The following ARFGEF2 variants were observed in gnomAD, a reference collection of about 807,000 sequenced individuals.
ARFGEF2 encodes the protein brefeldin A-inhibited guanine nucleotide-exchange protein 2.
A neutral mutation model predicts 219.9 loss-of-function variants in ARFGEF2; 74 were observed. The ratio of observed to expected loss-of-function variants is 0.34; its 90% CI spans 0.28 to 0.41. ARFGEF2 has a LOEUF of 0.41. Among genes scored for constraint, ARFGEF2 ranks in the 10% least tolerant of loss-of-function variants. The pLI is 1.00. For missense variants in ARFGEF2, 1,743 were observed against 2,218.3 expected (o/e 0.79, Z 4.30); for synonymous variants, 733 against 799.2 (o/e 0.92, Z 1.40).
At chr20:48,937,147 C>T (rs2090963630) in intron 1 of ARFGEF2, among the ~76,000 whole-genome samples, 1 of 152,194 alleles carries the variant, frequency 6.6e-6, no homozygotes, top group South Asian at 2.1e-4. Context: ...CCTGCACGGG[C>T]TCTGTCCTGC....
At chr20:48,980,979 C>A (rs1029776441) in intron 14 of ARFGEF2, among the ~76,000 whole-genome samples, 1 of 152,194 alleles carries the variant, frequency 6.6e-6, no homozygotes, top group Non-Finnish European at 1.5e-5. Flanking sequence ...ATCCCCATTA[C>A]ATTTCAAGTT....
chr20:48,950,811 A>ATATATATATAT (rs1555808097), intron 3 of ARFGEF2, among the ~76,000 whole-genome samples: 6 of 64,508 alleles, frequency 9.3e-5, no homozygotes, highest in Non-Finnish European at 1.6e-4. Flanking sequence ...AAAAAAAAAA[A>ATATATATATAT]ATATATATAT....
chr20:48,927,954 G>A (rs1360376182), intron 1 of ARFGEF2, among the ~76,000 whole-genome samples: 1 of 152,080 alleles, frequency 6.6e-6, no homozygotes, highest in Non-Finnish European at 1.5e-5. Context: ...CTTGATTATT[G>A]AAAAGCATTT....
chr20:49,005,663 A>T (rs2091453546), intron 26 of ARFGEF2, among the ~76,000 whole-genome samples: 1 of 145,910 alleles, frequency 6.9e-6, no homozygotes, highest in South Asian at 2.2e-4. Context: ...GCGTGAACTC[A>T]GGAGGCAGAG....
At chr20:49,004,992 C>G in intron 25 of ARFGEF2, 78 bp from the exon 26 acceptor site, 2 of 1,500,918 alleles carry the variant, frequency 1.3e-6, no homozygotes, top group Non-Finnish European at 1.9e-6. Context: ...GGTAGGCTGT[C>G]CATCTTTGCT....
chr20:48,926,907 A>G (rs1258684335), intron 1 of ARFGEF2, among the ~76,000 whole-genome samples: 1 of 152,204 alleles, frequency 6.6e-6, no homozygotes, highest in Admixed American at 6.5e-5. Flanking sequence ...CATAACATCC[A>G]TTCTTAGATT....
In ARFGEF2 at chr20:49,032,160, T is replaced by C. The variant is rs1222989122; in HGVS notation, c.5175T>C (p.Asp1725=). 1.2e-6 allele frequency: 2 copies of C among 1,610,262 alleles called. No homozygotes were observed. Among genetic ancestry groups the C allele is most frequent in the Non-Finnish European group, 1.7e-6 (2 of 1,176,630 alleles). Residue 1725 remains aspartate (D), a synonymous_variant, in exon 38 of 39, where the codon GAT becomes GAC. Transcript: ENST00000371917. ...TAACTAAAACCCTCAAAATAAATGATGAAAAGGTATGAACAAGTAAACTCT... is the reference window on the plus strand; with the variant it reads ...TAACTAAAACCCTCAAAATAAATGACGAAAAGGTATGAACAAGTAAACTCT... The part of the protein sequence containing the change: ...LLLTKTLKIN[D]EKFKAHASMY...
At chr20:48,943,126 A>G (rs950255470) in intron 3 of ARFGEF2, among the ~76,000 whole-genome samples, 2 of 152,172 alleles carry the variant, frequency 1.3e-5, no homozygotes, top group African/African-American at 4.8e-5. Context: ...AAAACACAGC[A>G]CTAACTACAC....
At chr20:49,027,300 T>C (rs2091609564) in intron 36 of ARFGEF2, among the ~76,000 whole-genome samples, 1 of 152,180 alleles carries the variant, frequency 6.6e-6, no homozygotes, top group Non-Finnish European at 1.5e-5. Flanking sequence ...CCCAAAGTGC[T>C]GGGATTACAG....
At chr20:48,980,371 T>C (rs2091287661) in intron 14 of ARFGEF2, among the ~76,000 whole-genome samples, 1 of 152,240 alleles carries the variant, frequency 6.6e-6, no homozygotes, top group South Asian at 2.1e-4. Context: ...TTCTGTTCTT[T>C]TGCATTTGCT....
intron 3 of ARFGEF2, among the ~76,000 whole-genome samples, chr20:48,942,383 C>G (rs1005282314): frequency 6.6e-6 from 1 of 151,502 alleles, no homozygotes; most frequent in Non-Finnish European, 1.5e-5. Context: ...CTTCTGGCCT[C>G]AAGCAGTCCT....
At chr20:48,972,049 A>G (rs1212162895) in intron 10 of ARFGEF2, among the ~76,000 whole-genome samples, 4 of 152,164 alleles carry the variant, frequency 2.6e-5, no homozygotes, top group African/African-American at 9.7e-5. Context: ...GAGAAATCCT[A>G]TTTTACATGA....
intron 6 of ARFGEF2, 108 bp downstream of exon 6, chr20:48,953,898 G>C: frequency 9.0e-7 from 1 of 1,108,356 alleles, no homozygotes; most frequent in South Asian, 1.3e-5. Context: ...TCTGATAACA[G>C]CTTATCTCTT....
chr20:48,974,147 A>G lies in ARFGEF2; in HGVS notation c.1666-619A>G, dbSNP rs536168265. On this transcript the variant is annotated intron_variant, in intron 12 of 38. Transcript: ENST00000371917. The stretch of plus-strand genomic sequence containing the variant: ...TTTTTTTTTTTTTTTTTTTTTTGAG[A>G]CAGAATCTCACTCTGTCACCCAGGC... Among the ~76,000 whole-genome samples, 7 of 85,492 alleles carry G rather than the reference A, an allele frequency of 8.2e-5. No individual in the cohort carries two copies. The East Asian group carries it at 2.2e-3, about 27-fold the overall frequency. The allele number at this position is 85,492 out of a possible 152,430, so 56.1% of individuals were successfully genotyped here. A position where few individuals can be genotyped will look rare whatever the true frequency, so the allele number is the denominator to read the frequency against.
chr20:49,013,867 T>C lies in ARFGEF2; in HGVS notation c.4086T>C (p.Tyr1362=), dbSNP rs146371874. 4.3e-6 allele frequency: 7 copies of C among 1,614,040 alleles called. No homozygotes were observed. The highest frequency in any genetic ancestry group is 5.9e-6 in the Non-Finnish European group (7 of 1,180,012). Reference sequence around the variant, plus strand: ...TCATGTTTGAGATCATGAAGAGCTATGGCCACACCTTTGAAAAGCACTGGT... The same window carrying C: ...TCATGTTTGAGATCATGAAGAGCTACGGCCACACCTTTGAAAAGCACTGGT... ...LTVMFEIMKS[Y]GHTFEKHWWQ... Residue 1362 remains tyrosine (Y), a synonymous_variant, in exon 30 of 39, where the codon TAT becomes TAC. Coordinates refer to ENST00000371917, the MANE Select transcript of ARFGEF2 (RefSeq NM_006420.3).
chr20:48,978,905 C>T (rs550685827), intron 14 of ARFGEF2, among the ~76,000 whole-genome samples: 1 of 152,284 alleles, frequency 6.6e-6, no homozygotes, highest in East Asian at 1.9e-4. Context: ...AACATACAAT[C>T]ATGTCATCTG....
intron 6 of ARFGEF2, among the ~76,000 whole-genome samples, chr20:48,956,911 A>G (rs1405400815): frequency 6.6e-6 from 1 of 152,196 alleles, no homozygotes; most frequent in Non-Finnish European, 1.5e-5. Flanking sequence ...AATATGTTCC[A>G]AATGCCTGGA....
intron 13 of ARFGEF2, among the ~76,000 whole-genome samples, chr20:48,975,484 T>A (rs563666250): frequency 6.0e-4 from 92 of 152,302 alleles, no homozygotes; most frequent in Admixed American, 1.3e-3. Context: ...TTGCCTTTTT[T>A]ACTCTTTCAT....
At chr20:48,964,269 G>T (rs1446439413) in intron 7 of ARFGEF2, among the ~76,000 whole-genome samples, 3 of 152,218 alleles carry the variant, frequency 2.0e-5, no homozygotes, top group Non-Finnish European at 4.4e-5. Flanking sequence ...GCCGGGCGTG[G>T]TGGCGCACGC....
Sources: gnomAD v4.1 joint callset for allele counts (sites outside exome capture counted in the v4.1 genomes callset) on GRCh38, gnomAD v4.1.1 for gene constraint, MANE v1.5 for transcripts, NCBI Gene and HGNC (gene_info 2026-07-23, HGNC 2026-07-21) for gene names.